MMP26: variants seen among roughly 807,000 people sequenced by gnomAD.
The protein encoded by MMP26 is matrix metalloproteinase-26.
In MMP26, 33 loss-of-function variants were observed where a neutral mutation model predicts 31.0. The observed-to-expected ratio is 1.06, with a 90% confidence interval of 0.81 to 1.42. MMP26 has a LOEUF of 1.42. Among genes scored for constraint, MMP26 ranks in the 40% most tolerant of loss-of-function variants. The probability of loss-of-function intolerance (pLI) is 0.00; values close to 1 mark genes in which losing one functional copy is unlikely to be tolerated. For missense variants in MMP26, 347 were observed against 316.1 expected (o/e 1.10, Z -0.74); for synonymous variants, 122 against 114.9 (o/e 1.06, Z -0.40).
chr11:4,752,143 C>G (rs948390199), intron 1 of MMP26: 4 of 151,916 alleles, frequency 2.6e-5, no homozygotes, highest in Non-Finnish European at 5.9e-5. Flanking sequence ...AGCAAGTATA[C>G]GTTAGCAATG....
chr11:4,780,158 T>G (rs1848839551), intron 2 of MMP26, among the ~76,000 whole-genome samples: 1 of 152,182 alleles, frequency 6.6e-6, no homozygotes. Flanking sequence ...ATTGTAAACT[T>G]TCTTGCATAT....
chr11:4,774,690 G>T (rs1424866559), intron 2 of MMP26, among the ~76,000 whole-genome samples: 2 of 152,140 alleles, frequency 1.3e-5, no homozygotes, highest in African/African-American at 4.8e-5. Context: ...ATTTCATCAT[G>T]AAATCTTTTC....
intron 1 of MMP26, chr11:4,709,974 A>G (rs779291561): frequency 1.5e-5 from 7 of 456,726 alleles, no homozygotes; most frequent in Non-Finnish European, 3.1e-5. Context: ...GAGATATGCC[A>G]CAATCTTAAC....
intron 2 of MMP26, among the ~76,000 whole-genome samples, chr11:4,773,911 G>T (rs35265535): frequency 0.095 from 14,392 of 152,124 alleles, 847 homozygotes; most frequent in Middle Eastern, 0.15. Context: ...GTTCCTGCAT[G>T]AGTTTGCTGA....
chr11:4,756,914 A>G (rs1848511724), intron 1 of MMP26: 1 of 152,200 alleles, frequency 6.6e-6, no homozygotes, highest in Non-Finnish European at 1.5e-5. Flanking sequence ...TAAATGGATT[A>G]GAAGACTCAA....
intron 2 of MMP26, among the ~76,000 whole-genome samples, chr11:4,863,917 C>T (rs1850199172): frequency 1.3e-5 from 2 of 151,600 alleles, no homozygotes; most frequent in Admixed American, 6.6e-5. Flanking sequence ...TTTGCATAGT[C>T]TTAGGTGTGA....
At chr11:4,799,848 G>A (rs1849157727) in intron 2 of MMP26, among the ~76,000 whole-genome samples, 1 of 152,198 alleles carries the variant, frequency 6.6e-6, no homozygotes, top group African/African-American at 2.4e-5. Flanking sequence ...AAATCCAGCA[G>A]GCAGACATTA....
At chr11:4,897,956 TTA>T (rs1850737081) in intron 2 of MMP26, among the ~76,000 whole-genome samples, 1 of 148,160 alleles carries the variant, frequency 6.7e-6, no homozygotes, top group Non-Finnish European at 1.5e-5. Context: ...ATATTATATA[TTA>T]TATATAAATA....
At chr11:4,857,719 A>G (rs1850076108) in intron 2 of MMP26, among the ~76,000 whole-genome samples, 1 of 152,180 alleles carries the variant, frequency 6.6e-6, no homozygotes, top group African/African-American at 2.4e-5. Flanking sequence ...TCCCTAAATC[A>G]TTTTATGAGG....
At chr11:4,782,021 A>C (rs1848871071) in intron 2 of MMP26, among the ~76,000 whole-genome samples, 1 of 152,238 alleles carries the variant, frequency 6.6e-6, no homozygotes, top group South Asian at 2.1e-4. Context: ...TAAATTGCTC[A>C]GTCTTGGGTA....
chr11:4,848,260 T>C, intron 2 of MMP26: 2 of 1,610,378 alleles, frequency 1.2e-6, no homozygotes, highest in African/African-American at 1.3e-5. Flanking sequence ...CCCACCTTCC[T>C]GGGCTGCAAC....
At chr11:4,728,898 T>C (rs1848137485) in intron 1 of MMP26, among the ~76,000 whole-genome samples, 1 of 152,032 alleles carries the variant, frequency 6.6e-6, no homozygotes, top group African/African-American at 2.4e-5. Flanking sequence ...CAATATTCAA[T>C]GTGCATTTTG....
At chr11:4,778,597 A>G (rs562526160) in intron 2 of MMP26, among the ~76,000 whole-genome samples, 12 of 152,058 alleles carry the variant, frequency 7.9e-5, no homozygotes, top group Admixed American at 6.6e-5. Flanking sequence ...GTGCCTAGGC[A>G]ATTCTATATA....
At chr11:4,979,160 A>G (rs546462707) in intron 2 of MMP26, among the ~76,000 whole-genome samples, 3 of 152,252 alleles carry the variant, frequency 2.0e-5, no homozygotes, top group African/African-American at 7.2e-5. Context: ...AATGGGCAGC[A>G]ACAACAGTGA....
At chr11:4,756,299 G>A (rs966324278) in intron 1 of MMP26, among the ~76,000 whole-genome samples, 3 of 151,968 alleles carry the variant, frequency 2.0e-5, no homozygotes, top group South Asian at 4.2e-4. Context: ...TATTTGGGAA[G>A]GGCACAAAAT....
intron 1 of MMP26, among the ~76,000 whole-genome samples, chr11:4,715,680 G>C (rs1847920868): frequency 6.6e-6 from 1 of 152,118 alleles, no homozygotes; most frequent in Non-Finnish European, 1.5e-5. Context: ...AGACATTTCA[G>C]AAGTTGAACC....
At chr11:4,915,139 GC>G in intron 2 of MMP26, 1 of 1,614,078 alleles carries the variant, frequency 6.2e-7, no homozygotes, top group South Asian at 1.1e-5. Context: ...GAACTGGGGA[GC>G]CACAATAGGG....
At chr11:4,981,808 C>T (rs1372431641) in intron 2 of MMP26, among the ~76,000 whole-genome samples, 1 of 151,584 alleles carries the variant, frequency 6.6e-6, no homozygotes, top group African/African-American at 2.4e-5. Flanking sequence ...GCTTTTTATA[C>T]TTTTAAGTTT....
At chr11:4,797,939 C>T (rs1047813410) in intron 2 of MMP26, among the ~76,000 whole-genome samples, 9 of 152,146 alleles carry the variant, frequency 5.9e-5, no homozygotes, top group Admixed American at 2.6e-4. Context: ...CAGAAGTAAT[C>T]CAAAAGGTGC....
Sources: allele counts gnomAD v4.1 joint callset (sites outside exome capture counted in the v4.1 genomes callset), GRCh38; gene constraint gnomAD v4.1.1; transcripts MANE v1.5; gene names NCBI Gene and HGNC (gene_info 2026-07-23, HGNC 2026-07-21).